MFAP3L: variants seen among roughly 807,000 people sequenced by gnomAD.
The protein encoded by MFAP3L is microfibril associated protein 3 like, also known as microfibrillar-associated protein 3-like.
Under a neutral mutation model 20.0 loss-of-function variants are expected in MFAP3L, and 5 were observed. The observed-to-expected ratio is 0.25, with a 90% CI of 0.13 to 0.53. MFAP3L has a LOEUF of 0.53. MFAP3L is among the 20% of genes least tolerant of loss of function. The probability of loss-of-function intolerance (pLI) is 0.96; values close to 1 mark genes in which losing one functional copy is unlikely to be tolerated. For missense variants in MFAP3L, 409 were observed against 527.5 expected, an observed-to-expected ratio of 0.78 and a Z score of 2.20; for synonymous variants, 219 against 213.0, an observed-to-expected ratio of 1.03 and a Z score of -0.25.
chr4:170,021,707 A>T (rs1474797394), intron 1 of MFAP3L, among the ~76,000 whole-genome samples: 3 of 152,260 alleles, frequency 2.0e-5, no homozygotes, highest in African/African-American at 7.2e-5. Flanking sequence ...AATTTAACCA[A>T]GAGACAACAC....
Position 169,992,431 on chromosome 4 carries a change from C to G in MFAP3L, c.299-122G>C. The G allele has an allele frequency of 1.2e-6, 1 of 842,424 alleles. No homozygotes were observed. Among genetic ancestry groups the G allele is most frequent in the Non-Finnish European group, 1.8e-6 (1 of 543,910 alleles). The allele number at this position is 842,424 out of a possible 1,614,324, so 52.2% of individuals were successfully genotyped here. ...GAACATCTATGAAGTCTATGAACGT[C>G]GACTTCACATGCTTACTATGCGGCA... On this transcript the variant is annotated intron_variant, in intron 2 of 2. Transcript: ENST00000361618. The surrounding 1 kb of genome is among the most constrained non-coding windows in gnomAD (Gnocchi z 4.3).
At chr4:170,018,003 T>C (rs571880167) in intron 1 of MFAP3L, among the ~76,000 whole-genome samples, 64 of 152,356 alleles carry the variant, frequency 4.2e-4, no homozygotes, top group African/African-American at 1.4e-3. Context: ...ATTATCCACT[T>C]AGTACCAATT....
intron 1 of MFAP3L, among the ~76,000 whole-genome samples, chr4:170,025,709 C>G (rs1434094956): frequency 2.6e-5 from 4 of 152,176 alleles, no homozygotes; most frequent in Admixed American, 2.0e-4. Context: ...GCTTCAGTAG[C>G]GAGGCGGCGG....
chr4:169,999,869 C>A (rs1240180731), intron 2 of MFAP3L, among the ~76,000 whole-genome samples: 3 of 152,162 alleles, frequency 2.0e-5, no homozygotes, highest in African/African-American at 4.8e-5. Context: ...TTTCTCAACT[C>A]GGGTACTACT....
At chr4:170,022,834 G>C (rs1379955369) in intron 1 of MFAP3L, among the ~76,000 whole-genome samples, 1 of 152,072 alleles carries the variant, frequency 6.6e-6, no homozygotes, top group African/African-American at 2.4e-5. Context: ...TCTCCCCTAG[G>C]GCTTCCCAAA....
chr4:170,005,390 CAAT>C, intron 2 of MFAP3L, 187 bp downstream of exon 2: 3 of 684,190 alleles, frequency 4.4e-6, no homozygotes, highest in Non-Finnish European at 7.2e-6. Context: ...TCTTCTGTGT[CAAT>C]GAGGGAAAAA....
rs1252041990 is a variant in MFAP3L, at chr4:169,993,516, CTCT to C, written c.299-1210_299-1208del. Reference sequence around the variant, plus strand: ...AAAGCCTGGTATTTCCCAAAAGCAACTCTTTTTTGTTGTTTTTTGTTGTTAATA... The same window carrying C: ...AAAGCCTGGTATTTCCCAAAAGCAACTTTTTGTTGTTTTTTGTTGTTAATA... On this transcript the variant is annotated intron_variant, in intron 2 of 2. Transcript: ENST00000361618. The C allele has an allele frequency of 3.3e-5, 5 of 152,182 alleles. No individual in the cohort carries two copies. In the East Asian group the frequency reaches 7.7e-4, roughly 23 times the overall value. The allele number at this position is 152,182 out of a possible 1,614,324, so 9.4% of individuals were successfully genotyped here. A position where few individuals can be genotyped will look rare whatever the true frequency, so the allele number is the denominator to read the frequency against.
rs1164263425 is a variant in MFAP3L at position 169,992,501 on chromosome 4, C to A, written c.299-192G>T. 2.6e-5 allele frequency among the ~76,000 whole-genome samples: 4 copies of A among 152,214 alleles called. No homozygotes were observed. The highest frequency in any genetic ancestry group is 4.8e-5 in the African/African-American group (2 of 41,444). The stretch of plus-strand genomic sequence containing the variant: ...TCATTTAATCCTCACAATAACTCTG[C>A]AAGGTGGCCCCTGACACTGCCTCCG... On this transcript the variant is annotated intron_variant, in intron 2 of 2. Transcript: ENST00000361618. This position sits in a 1 kb window ranked among gnomAD's most constrained non-coding sequence, Gnocchi z 4.3.
intron 2 of MFAP3L, among the ~76,000 whole-genome samples, chr4:170,000,325 G>A (rs1007880452): frequency 1.3e-5 from 2 of 152,138 alleles, no homozygotes; most frequent in African/African-American, 4.8e-5. Flanking sequence ...CTGAGTTTTG[G>A]AAAGGTTGAG....
chr4:169,997,716 C>CGGTA (rs1336152735), intron 2 of MFAP3L: 1 of 984,944 alleles, frequency 1.0e-6, no homozygotes, highest in Non-Finnish European at 1.2e-6. Context: ...GGGGCAGGCC[C>CGGTA]GGTAGCTCAC....
At chr4:170,024,827 T>C (rs1485532784) in intron 1 of MFAP3L, among the ~76,000 whole-genome samples, 1 of 152,186 alleles carries the variant, frequency 6.6e-6, no homozygotes, top group African/African-American at 2.4e-5. Context: ...GCTGGAGCCA[T>C]CTCAGGCTTG....
At chr4:170,026,099 G>A (rs1730378058) in intron 1 of MFAP3L, 135 bp downstream of exon 1, 1 of 372,628 alleles carries the variant, frequency 2.7e-6, no homozygotes, top group Non-Finnish European at 3.7e-6. Flanking sequence ...TCGCAGCGCA[G>A]CCTCCGCCGC....
rs1730421156 is a variant in MFAP3L, at chr4:170,026,388, C to T, written c.-288G>A. 5 of 694,722 alleles carry T rather than the reference C, an allele frequency of 7.2e-6. No individual in the cohort carries two copies. Among genetic ancestry groups the T allele is most frequent in the African/African-American group, 5.8e-5 (3 of 51,480 alleles). The allele number at this position is 694,722 out of a possible 1,614,324, so 43.0% of individuals were successfully genotyped here. On this transcript the variant is annotated 5_prime_UTR_variant, in exon 1 of 3. Coordinates refer to ENST00000361618, the MANE Select transcript of MFAP3L (RefSeq NM_021647.8). The stretch of plus-strand genomic sequence containing the variant: ...CGCCTCACAGCGTTGCGAGCTGCGC[C>T]GCCGGCTGCCGGGAGCGCGGAGCTT...
intron 1 of MFAP3L, among the ~76,000 whole-genome samples, chr4:170,017,904 C>T (rs952061843): frequency 5.3e-5 from 8 of 152,152 alleles, no homozygotes; most frequent in African/African-American, 1.2e-4. Flanking sequence ...CCCATCTCTC[C>T]GCTGGGTAGT....
At chr4:169,994,990 A>G (rs1382461396) in intron 2 of MFAP3L, 1 of 151,820 alleles carries the variant, frequency 6.6e-6, no homozygotes, top group African/African-American at 2.4e-5. Flanking sequence ...AGCTGTAACC[A>G]TCTAGTTAAA....
At position 170,005,716 on chromosome 4, in the gene MFAP3L, G is replaced by C. The variant is rs534559156; in HGVS notation, c.162C>G (p.Asp54Glu). The C allele has an allele frequency of 6.2e-7, 1 of 1,614,158 alleles. No homozygotes were observed. The highest frequency in any genetic ancestry group is 1.1e-5 in the South Asian group (1 of 91,078). ...TGTTCCCTTCCTTGACTATGATATGGTCAGTTCTGGCAATGATTACGGGCA... is the reference window on the plus strand; with the variant it reads ...TGTTCCCTTCCTTGACTATGATATGCTCAGTTCTGGCAATGATTACGGGCA... ...GSVPVIIART[D>E]HIIVKEGNSA... The change falls in exon 2 of 3, where the codon GAC (aspartate) becomes GAG (glutamate). Residue 54 changes from aspartate to glutamate, a missense_variant. By Grantham distance (45) the Asp-to-Glu change is conservative. Transcript: ENST00000361618.
intron 1 of MFAP3L, among the ~76,000 whole-genome samples, chr4:170,020,511 T>C (rs1739959944): frequency 6.6e-6 from 1 of 152,116 alleles, no homozygotes; most frequent in African/African-American, 2.4e-5. Context: ...ATATTCCATG[T>C]CTTCGTTGTG....
intron 1 of MFAP3L, among the ~76,000 whole-genome samples, chr4:170,013,007 C>T (rs953513002): frequency 6.6e-6 from 1 of 152,026 alleles, no homozygotes; most frequent in African/African-American, 2.4e-5. Context: ...AAAAACTGAT[C>T]TGGGTTAAAT....
intron 1 of MFAP3L, among the ~76,000 whole-genome samples, chr4:170,006,301 T>C (rs925249195): frequency 6.6e-6 from 1 of 151,936 alleles, no homozygotes; most frequent in South Asian, 2.1e-4. Flanking sequence ...TTAGTAGAGA[T>C]GAGGTTTCAC....
Sources: gnomAD v4.1 joint callset for allele counts (sites outside exome capture counted in the v4.1 genomes callset) on GRCh38, gnomAD v4.1.1 for gene constraint, Gnocchi (gnomAD v3.1) non-coding constraint, MANE v1.5 for transcripts, NCBI Gene and HGNC (gene_info 2026-07-23, HGNC 2026-07-21) for gene names.